The following LRMDA variants were observed in gnomAD, a reference collection of about 807,000 sequenced individuals.
The protein encoded by LRMDA is leucine-rich melanocyte differentiation-associated protein.
A neutral mutation model predicts 29.8 loss-of-function variants in LRMDA; 18 were observed. The observed-to-expected ratio is 0.60, with a 90% CI of 0.42 to 0.90. The LOEUF is 0.90. Among genes scored for constraint, LRMDA ranks in the 40% least tolerant of loss-of-function variants. The pLI, the probability that LRMDA is intolerant of heterozygous loss-of-function variation, is 0.00. For synonymous variants in LRMDA, 125 were observed against 109.4 expected, an observed-to-expected ratio of 1.14 and a Z score of -0.89; for missense variants, 273 against 273.9, an observed-to-expected ratio of 1.00 and a Z score of 0.02.
chr10:75,515,984 T>C (rs1181716732), intron 2 of LRMDA, among the ~76,000 whole-genome samples: 1 of 152,240 alleles, frequency 6.6e-6, no homozygotes, highest in Non-Finnish European at 1.5e-5. Flanking sequence ...GATAGTTTGC[T>C]GAGAATGATG....
chr10:75,880,483 G>A (rs1845276307), intron 2 of LRMDA, among the ~76,000 whole-genome samples: 1 of 152,216 alleles, frequency 6.6e-6, no homozygotes, highest in African/African-American at 2.4e-5. Flanking sequence ...TGGAAAAACA[G>A]GGGTCAAATA....
At chr10:75,921,405 T>C (rs1025080024) in intron 2 of LRMDA, among the ~76,000 whole-genome samples, 5 of 152,226 alleles carry the variant, frequency 3.3e-5, no homozygotes, top group Admixed American at 3.3e-4. Flanking sequence ...ATGTAATCAC[T>C]GCTGCAGATA....
intron 2 of LRMDA, among the ~76,000 whole-genome samples, chr10:75,511,385 G>A (rs1037325645): frequency 9.2e-5 from 14 of 152,224 alleles, no homozygotes; most frequent in African/African-American, 2.6e-4. Context: ...GGGAAACCAG[G>A]ATTCTGGTAG....
In LRMDA at chr10:75,686,169, G is replaced by A. The variant is rs368061285; in HGVS notation, c.131+247675G>A. 1.1e-4 allele frequency among the ~76,000 whole-genome samples: 16 copies of A among 152,316 alleles called. No homozygotes were observed. The South Asian group carries it at 3.1e-3, about 30-fold the overall frequency. ...GGCTGGCTTAGTCAGGGAGGACAGA[G>A]GGCCACTGGGGATGGAGGGCAGGTG... On this transcript the variant is annotated intron_variant, in intron 2 of 6. Transcript: ENST00000611255.
chr10:75,882,568 C>T (rs554377069), intron 2 of LRMDA: 120 of 152,248 alleles, frequency 7.9e-4, no homozygotes, highest in African/African-American at 2.8e-3. Context: ...GTAGCATGTA[C>T]ACAGGAGGCA....
intron 6 of LRMDA, chr10:76,438,452 C>T (rs1001126203): frequency 6.6e-6 from 1 of 152,122 alleles, no homozygotes; most frequent in Non-Finnish European, 1.5e-5. Context: ...CTAGTACAAG[C>T]ATTTGTGGGA....
chr10:76,501,240 A>ATT (rs1266347593), intron 6 of LRMDA, among the ~76,000 whole-genome samples: 1 of 21,198 alleles, frequency 4.7e-5, no homozygotes, highest in African/African-American at 7.8e-5. Flanking sequence ...TTCTAAGGTG[A>ATT]ACATATACCA....
chr10:76,028,354 G>A (rs1848095237), intron 2 of LRMDA, among the ~76,000 whole-genome samples: 1 of 152,050 alleles, frequency 6.6e-6, no homozygotes, highest in South Asian at 2.1e-4. Context: ...TCCATGTTAA[G>A]GGTGTTAAAT....
chr10:76,040,208 G>A (rs1230321817), intron 3 of LRMDA, among the ~76,000 whole-genome samples: 1 of 152,154 alleles, frequency 6.6e-6, no homozygotes, highest in Non-Finnish European at 1.5e-5. Context: ...GGAGGAGTCA[G>A]CATCCTGAGC....
intron 2 of LRMDA, among the ~76,000 whole-genome samples, chr10:75,841,356 T>C (rs1042627183): frequency 6.6e-6 from 1 of 152,136 alleles, no homozygotes; most frequent in Non-Finnish European, 1.5e-5. Flanking sequence ...AGGAATGCTA[T>C]GTTTTGTCTG....
intron 2 of LRMDA, among the ~76,000 whole-genome samples, chr10:75,852,897 A>T (rs1051514091): frequency 6.6e-6 from 1 of 152,198 alleles, no homozygotes; most frequent in Non-Finnish European, 1.5e-5. Context: ...GGATTAATTC[A>T]CAGTTCTACA....
At chr10:76,478,580 A>G (rs1589208193) in intron 6 of LRMDA, among the ~76,000 whole-genome samples, 1 of 152,174 alleles carries the variant, frequency 6.6e-6, no homozygotes. Context: ...TGATGCTGCT[A>G]TAAAGACACA....
In LRMDA at chr10:75,909,329, T is replaced by C. The variant is rs562032551; in HGVS notation, c.132-126679T>C. On this transcript the variant is annotated intron_variant, in intron 2 of 6. Transcript: ENST00000611255. ...TGAAATCATATGTGGGATCCTTCAG[T>C]TCATACAACAGAAAAAATCTGAAGG... is the stretch of plus-strand genomic sequence containing the variant. Among the ~76,000 whole-genome samples the C allele has an allele frequency of 3.3e-5, 5 of 152,290 alleles. No individual in the cohort carries two copies. The South Asian group carries it at 1.0e-3, about 32-fold the overall frequency.
chr10:76,088,579 C>T (rs1419055161), intron 5 of LRMDA, among the ~76,000 whole-genome samples: 2 of 152,106 alleles, frequency 1.3e-5, no homozygotes, highest in Non-Finnish European at 1.5e-5. Flanking sequence ...CTCAGGCTCT[C>T]GAAAGGGAAA....
intron 2 of LRMDA, among the ~76,000 whole-genome samples, chr10:75,730,320 TATATCTCAACA>T (rs143196869): frequency 0.015 from 2,229 of 152,208 alleles, 65 homozygotes; most frequent in African/African-American, 0.051. Context: ...AGATCTCAAA[TATATCTCAACA>T]CAGATCAACA....
chr10:76,134,784 T>C (rs1296780112), intron 5 of LRMDA, among the ~76,000 whole-genome samples: 1 of 152,132 alleles, frequency 6.6e-6, no homozygotes, highest in Non-Finnish European at 1.5e-5. Context: ...AGGATTTCCC[T>C]CCAATAAAAT....
chr10:76,052,035 C>T (rs1848538160), intron 4 of LRMDA, among the ~76,000 whole-genome samples: 1 of 152,164 alleles, frequency 6.6e-6, no homozygotes, highest in African/African-American at 2.4e-5. Context: ...ATCTAGTCAA[C>T]AGTGAGGAAG....
At chr10:76,316,145 G>A (rs1474398806) in intron 5 of LRMDA, among the ~76,000 whole-genome samples, 2 of 152,194 alleles carry the variant, frequency 1.3e-5, no homozygotes, top group East Asian at 1.9e-4. Context: ...TAATGAGAAG[G>A]AGAAGAGCTG....
At chr10:76,236,743 G>A (rs192468316) in intron 5 of LRMDA, among the ~76,000 whole-genome samples, 31 of 152,256 alleles carry the variant, frequency 2.0e-4, no homozygotes, top group African/African-American at 7.0e-4. Context: ...ATGGTCACAA[G>A]CCCTTAGACT....
Sources: gnomAD v4.1 joint callset for allele counts (sites outside exome capture counted in the v4.1 genomes callset) on GRCh38, gnomAD v4.1.1 for gene constraint, MANE v1.5 for transcripts, NCBI Gene and HGNC (gene_info 2026-07-23, HGNC 2026-07-21) for gene names.